The following KANK1 variants were observed in gnomAD, a reference collection of about 807,000 sequenced individuals.
KANK1 encodes the protein KN motif and ankyrin repeat domain-containing protein 1.
A neutral mutation model predicts 106.2 loss-of-function variants in KANK1; 109 were observed. The ratio of observed to expected loss-of-function variants is 1.03; its 90% CI spans 0.88 to 1.20. The LOEUF (loss-of-function observed/expected upper bound fraction) is 1.20, where lower values mean the gene tolerates loss of function less well. Among genes scored for constraint, KANK1 ranks in the 50% most tolerant of loss-of-function variants. KANK1 has a pLI of 0.00. For synonymous variants in KANK1, 873 were observed against 652.2 expected (o/e 1.34, Z -5.16); for missense variants, 2,399 against 1,710.7 (o/e 1.40, Z -7.10).
At chr9:730,468 G>A in intron 4 of KANK1, 1 of 522,206 alleles carries the variant, frequency 1.9e-6, no homozygotes. Context: ...AAGGCAGGCA[G>A]ATCATTTGAG....
chr9:624,064 G>A (rs550296432), intron 1 of KANK1, among the ~76,000 whole-genome samples: 3 of 152,258 alleles, frequency 2.0e-5, no homozygotes, highest in South Asian at 2.1e-4. Context: ...AATAAGGAAA[G>A]CCTGCCATTT....
intron 1 of KANK1, among the ~76,000 whole-genome samples, chr9:564,759 C>T (rs939869320): frequency 6.6e-6 from 1 of 152,224 alleles, no homozygotes; most frequent in Admixed American, 6.5e-5. Context: ...TGCTTATTCT[C>T]TGTGCTTCTT....
intron 2 of KANK1, among the ~76,000 whole-genome samples, chr9:702,188 G>C (rs933330095): frequency 6.6e-6 from 1 of 151,302 alleles, no homozygotes; most frequent in African/African-American, 2.4e-5. Flanking sequence ...CGAGAGGGAG[G>C]AAATGGACTC....
intron 2 of KANK1, among the ~76,000 whole-genome samples, chr9:706,447 A>C (rs1327313961): frequency 6.6e-6 from 1 of 152,218 alleles, no homozygotes; most frequent in Non-Finnish European, 1.5e-5. Flanking sequence ...TTTCCTACTG[A>C]AAATCCTTAA....
chr9:517,738 CT>C (rs34749352), intron 1 of KANK1, among the ~76,000 whole-genome samples: 61,144 of 110,902 alleles, frequency 0.55, 16,642 homozygotes, highest in East Asian at 0.91. Context: ...CTTGAGGATT[CT>C]TTTTTTTTTT....
chr9:695,639 G>T (rs891321370), intron 2 of KANK1, among the ~76,000 whole-genome samples: 2 of 151,724 alleles, frequency 1.3e-5, no homozygotes, highest in East Asian at 3.9e-4. Context: ...GAGGAGGAAG[G>T]GTTCTGGATC....
chr9:513,886 G>GCACA (rs1349009225), intron 1 of KANK1, among the ~76,000 whole-genome samples: 2 of 152,068 alleles, frequency 1.3e-5, no homozygotes, highest in Non-Finnish European at 2.9e-5. Context: ...GCTTGCTGGT[G>GCACA]CACACCTGTA....
chr9:503,952 C>T (rs2058617588), upstream of KANK1, among the ~76,000 whole-genome samples: 1 of 152,206 alleles, frequency 6.6e-6, no homozygotes, highest in South Asian at 2.1e-4. Flanking sequence ...CCTCCCCTTT[C>T]CGCCGAGGAC....
intron 2 of KANK1, among the ~76,000 whole-genome samples, chr9:709,717 G>A (rs1362896204): frequency 6.6e-6 from 1 of 151,122 alleles, no homozygotes; most frequent in Non-Finnish European, 1.5e-5. Context: ...CTGGATTCAA[G>A]CAATTCTCCT....
chr9:601,369 T>C (rs1425531161), intron 1 of KANK1, among the ~76,000 whole-genome samples: 1 of 151,958 alleles, frequency 6.6e-6, no homozygotes, highest in African/African-American at 2.4e-5. Flanking sequence ...CCACATTGTA[T>C]TGAGTAGTTC....
At chr9:550,186 T>C (rs1283596637) in intron 1 of KANK1, among the ~76,000 whole-genome samples, 2 of 152,050 alleles carry the variant, frequency 1.3e-5, no homozygotes, top group Admixed American at 6.5e-5. Context: ...CTGTGGTAGG[T>C]TCCCCCACCC....
At position 712,729 on chromosome 9, in the gene KANK1, G is replaced by C. The variant is rs558446238; in HGVS notation, c.1963G>C (p.Val655Leu). Residue 655 changes from valine to leucine, a missense_variant, in exon 3 of 12, where the codon GTT becomes CTT. Coordinates refer to ENST00000382297, the MANE Select transcript of KANK1 (RefSeq NM_015158.5). ...CTCCCGGGGCGTGAACACTGAGGCT[G>C]TTAGCCAGGTGGAAGCTGCCGTCAT... is the stretch of plus-strand genomic sequence containing the variant. ...CASRGVNTEAVSQVEAAVMAV... is the reference protein window; with the variant it reads ...CASRGVNTEALSQVEAAVMAV... 1.9e-6 allele frequency: 3 copies of C among 1,613,938 alleles called. No individual in the cohort carries two copies. Among genetic ancestry groups the C allele is most frequent in the South Asian group, 2.2e-5 (2 of 91,024 alleles).
intron 1 of KANK1, among the ~76,000 whole-genome samples, chr9:616,375 A>G (rs1180695677): frequency 2.0e-5 from 3 of 152,204 alleles, no homozygotes; most frequent in Non-Finnish European, 2.9e-5. Flanking sequence ...TAGAATGGAC[A>G]TCCTGAACAC....
chr9:648,064 T>C (rs1281040707), intron 1 of KANK1, among the ~76,000 whole-genome samples: 2 of 143,314 alleles, frequency 1.4e-5, no homozygotes, highest in Non-Finnish European at 3.0e-5. Context: ...GGTGCAGTGG[T>C]GCAATCTTGG....
At chr9:734,983 T>A in intron 7 of KANK1, 148 bp downstream of exon 7, 1 of 637,066 alleles carries the variant, frequency 1.6e-6, no homozygotes, top group Non-Finnish European at 2.8e-6. Context: ...GTAAACATCA[T>A]GTGGTCTTGC....
At chr9:657,070 T>C (rs762942848) in intron 1 of KANK1, among the ~76,000 whole-genome samples, 5 of 152,162 alleles carry the variant, frequency 3.3e-5, no homozygotes, top group Non-Finnish European at 7.3e-5. Context: ...GGCACCAACC[T>C]TTCTACTTTC....
At chr9:727,778 G>A (rs970702910) in intron 3 of KANK1, among the ~76,000 whole-genome samples, 1 of 151,056 alleles carries the variant, frequency 6.6e-6, no homozygotes, top group African/African-American at 2.4e-5. Flanking sequence ...TTTATTATCT[G>A]CTTTTTTCAA....
chr9:641,581 C>T (rs958332420), intron 1 of KANK1, among the ~76,000 whole-genome samples: 5 of 152,158 alleles, frequency 3.3e-5, no homozygotes, highest in East Asian at 1.9e-4. Flanking sequence ...TGAAGAAACT[C>T]GGAACAGAGG....
chr9:485,211 A>AT (rs958849385), intron 3 of KANK1, among the ~76,000 whole-genome samples: 19 of 152,220 alleles, frequency 1.2e-4, no homozygotes, highest in Admixed American at 6.5e-4. Flanking sequence ...AGAGCATCAC[A>AT]TTCCTCTGAT....
Sources: allele counts gnomAD v4.1 joint callset (sites outside exome capture counted in the v4.1 genomes callset), GRCh38; gene constraint gnomAD v4.1.1; transcripts MANE v1.5; gene names NCBI Gene and HGNC (gene_info 2026-07-23, HGNC 2026-07-21).